TUT7: variants seen among roughly 807,000 people sequenced by gnomAD.
TUT7 encodes terminal uridylyl transferase 7, also known as terminal uridylyltransferase 7.
In TUT7, 33 loss-of-function variants were observed where a neutral mutation model predicts 165.9. The ratio of observed to expected loss-of-function variants is 0.20; its 90% CI spans 0.15 to 0.27. The LOEUF (loss-of-function observed/expected upper bound fraction) is 0.27. TUT7 is among the 10% of genes least tolerant of loss of function. TUT7 has a pLI of 1.00. For synonymous variants in TUT7, 552 were observed against 608.1 expected, an observed-to-expected ratio of 0.91 and a Z score of 1.36; for missense variants, 1,338 against 1,762.3, an observed-to-expected ratio of 0.76 and a Z score of 4.31.
chr9:86,300,373 A>G (rs1203822452), intron 26 of TUT7, among the ~76,000 whole-genome samples: 1 of 152,230 alleles, frequency 6.6e-6, no homozygotes, highest in Non-Finnish European at 1.5e-5. Flanking sequence ...ACTGTAAAGC[A>G]GCTGACACTT....
Position 86,323,194 on chromosome 9 carries a change from TTCGTCGTCCTCCTCCTCTTCA to T in TUT7, c.2535_2555del (p.Asp845_Asp851del). On this transcript the variant is annotated inframe_deletion, in exon 13 of 27. Coordinates refer to ENST00000375963, the MANE Select transcript of TUT7 (RefSeq NM_024617.4). Reference sequence around the variant, plus strand: ...TAGGTTCTTCTTCCTCCTCCTCTTCTTCGTCGTCCTCCTCCTCTTCATCAGAGGGAATCATTTCTGATGTCT... The same window carrying T: ...TAGGTTCTTCTTCCTCCTCCTCTTCTTCAGAGGGAATCATTTCTGATGTCT... 1.2e-6 allele frequency: 2 copies of T among 1,614,138 alleles called. No individual in the cohort carries two copies. Among genetic ancestry groups the T allele is most frequent in the Non-Finnish European group, 1.7e-6 (2 of 1,180,004 alleles).
intron 19 of TUT7, 38 bp downstream of exon 19, chr9:86,309,890 G>A: frequency 6.4e-7 from 1 of 1,559,496 alleles, no homozygotes; most frequent in Non-Finnish European, 8.8e-7. Flanking sequence ...AAGATGCAAT[G>A]AAATTTCCTG....
chr9:86,322,953 C>T lies in TUT7; in HGVS notation c.2797G>A (p.Val933Ile). Reference sequence around the variant, plus strand: ...ACAGGTGAATTTTTTTCTTCACATACATTTTCTTCCTTGAGACTTATTTTA... The same window carrying T: ...ACAGGTGAATTTTTTTCTTCACATATATTTTCTTCCTTGAGACTTATTTTA... ...LNKISLKEEN[V>I]CEEKNSPVDQ... Residue 933 changes from valine to isoleucine, a missense_variant, in exon 13 of 27, where the codon GTA becomes ATA. Val to Ile is a conservative substitution (Grantham distance 29, BLOSUM62 3). Transcript: ENST00000375963. The T allele has an allele frequency of 6.2e-7, 1 of 1,613,266 alleles. No homozygotes were observed. The highest frequency in any genetic ancestry group is 8.5e-7 in the Non-Finnish European group (1 of 1,179,800).
chr9:86,329,889 A>G (rs2131489135), intron 10 of TUT7, among the ~76,000 whole-genome samples: 1 of 152,238 alleles, frequency 6.6e-6, no homozygotes. Flanking sequence ...CACTTTATTC[A>G]GCTCTGCTCA....
chr9:86,351,000 G>T (rs543391544), intron 2 of TUT7, among the ~76,000 whole-genome samples: 50 of 152,096 alleles, frequency 3.3e-4, no homozygotes, highest in African/African-American at 1.1e-3. Flanking sequence ...TGGGCATGGT[G>T]GTGTGCACCT....
intron 2 of TUT7, among the ~76,000 whole-genome samples, chr9:86,352,385 A>G (rs700776): frequency 0.25 from 38,778 of 152,180 alleles, 6,360 homozygotes; most frequent in Non-Finnish European, 0.35. Context: ...GGTCCCCTGG[A>G]GCATATAGCT....
intron 11 of TUT7, 38 bp downstream of exon 11, chr9:86,328,302 C>G: frequency 6.6e-7 from 1 of 1,510,320 alleles, no homozygotes; most frequent in Non-Finnish European, 8.9e-7. Flanking sequence ...TCACAATTGG[C>G]AAGTGAAACT....
In TUT7 at chr9:86,291,487, G is replaced by A. The variant is rs148000465; in HGVS notation, c.4421-2743C>T. 3.7e-3 allele frequency among the ~76,000 whole-genome samples: 565 copies of A among 150,790 alleles called. 4 individuals are homozygous for A. The highest frequency in any genetic ancestry group is 0.012 in the African/African-American group (501 of 41,022). On this transcript the variant is annotated intron_variant, in intron 26 of 26. Coordinates refer to ENST00000375963, the MANE Select transcript of TUT7 (RefSeq NM_024617.4). The stretch of plus-strand genomic sequence containing the variant: ...TCGAGAGACAGGAGGCAGGAGAATC[G>A]CTTGAATCCAGGAGGCAGACGTTGT...
intron 26 of TUT7, 138 bp from the exon 27 acceptor site, chr9:86,288,882 A>G (rs551075770): frequency 1.5e-5 from 9 of 608,518 alleles, no homozygotes; most frequent in Admixed American, 8.8e-5. Flanking sequence ...ATCAAGTAAT[A>G]AGACTTGATA....
intron 6 of TUT7, 74 bp from the exon 7 acceptor site, chr9:86,341,127 A>T (rs1831284039): frequency 8.0e-7 from 1 of 1,246,494 alleles, no homozygotes; most frequent in South Asian, 1.3e-5. Context: ...AGTCATCCGA[A>T]GTTCCCCAAA....
chr9:86,352,450 G>C, intron 2 of TUT7: 1 of 603,206 alleles, frequency 1.7e-6, no homozygotes, highest in Non-Finnish European at 2.9e-6. Context: ...CGTAAAGTGA[G>C]CCCTGGGGCA....
At chr9:86,353,879 A>G (rs993028832) in intron 1 of TUT7, among the ~76,000 whole-genome samples, 4 of 152,118 alleles carry the variant, frequency 2.6e-5, no homozygotes, top group African/African-American at 9.7e-5. Context: ...ACCCCAAACA[A>G]GTTTGGTTTT....
At chr9:86,320,898 C>A (rs377361962) in intron 14 of TUT7, among the ~76,000 whole-genome samples, 81 of 152,256 alleles carry the variant, frequency 5.3e-4, no homozygotes, top group African/African-American at 1.9e-3. Flanking sequence ...TGGCTTATAA[C>A]AGGCCATGCA....
At chr9:86,301,239 G>A (rs762378833) in intron 26 of TUT7, 37 bp downstream of exon 26, 2 of 1,553,242 alleles carry the variant, frequency 1.3e-6, no homozygotes, top group South Asian at 2.4e-5. Flanking sequence ...CCCTTGAGAT[G>A]TTAGAGCAAA....
At position 86,353,103 on chromosome 9, in the gene TUT7, A is replaced by C; in HGVS notation, c.97T>G (p.Tyr33Asp). The C allele has an allele frequency of 1.2e-6, 2 of 1,613,910 alleles. No individual in the cohort carries two copies. Among genetic ancestry groups the C allele is most frequent in the Non-Finnish European group, 1.7e-6 (2 of 1,180,002 alleles). The change falls in exon 2 of 27, where the codon TAT (tyrosine) becomes GAT (aspartate). Residue 33 changes from tyrosine (Y) to aspartate (D), a missense_variant. By Grantham distance (160) the Tyr-to-Asp change is radical. Coordinates refer to ENST00000375963, the MANE Select transcript of TUT7 (RefSeq NM_024617.4). ...TTAGCATGGTCATCTATTATTAAAT[A>C]ATCTTGTTGGGGGTGACCCCTTCTG... ...DFRRGHPQQD[Y>D]LIIDDHAKGH... is the part of the protein sequence containing the mutation.
chr9:86,341,694 G>T (rs780812402), intron 6 of TUT7, among the ~76,000 whole-genome samples: 20 of 152,042 alleles, frequency 1.3e-4, no homozygotes, highest in Admixed American at 5.9e-4. Context: ...TAGGGTATTT[G>T]CAAATGCTGC....
At chr9:86,344,588 C>CT (rs11390352) in intron 5 of TUT7, among the ~76,000 whole-genome samples, 41,923 of 141,668 alleles carry the variant, frequency 0.3, 6,948 homozygotes, top group East Asian at 0.49. Flanking sequence ...TAAATAAAAT[C>CT]TTTTTTTTTT....
chr9:86,291,168 T>C (rs2131251359), intron 26 of TUT7, among the ~76,000 whole-genome samples: 1 of 152,176 alleles, frequency 6.6e-6, no homozygotes, highest in East Asian at 1.9e-4. Context: ...ATTTATATAA[T>C]AATAAAAGAG....
At chr9:86,321,155 C>T (rs1486269937) in intron 14 of TUT7, among the ~76,000 whole-genome samples, 1 of 150,834 alleles carries the variant, frequency 6.6e-6, no homozygotes, top group Non-Finnish European at 1.5e-5. Context: ...GAGTTTGAGA[C>T]TTGCCTGGCC....
Sources: gnomAD v4.1 joint callset for allele counts (sites outside exome capture counted in the v4.1 genomes callset) on GRCh38, gnomAD v4.1.1 for gene constraint, MANE v1.5 for transcripts, NCBI Gene and HGNC (gene_info 2026-07-23, HGNC 2026-07-21) for gene names.